PDE1C: variants seen among roughly 807,000 people sequenced by gnomAD.
PDE1C encodes dual specificity calcium/calmodulin-dependent 3',5'-cyclic nucleotide phosphodiesterase 1C.
A neutral mutation model predicts 93.1 loss-of-function variants in PDE1C; 62 were observed. The observed-to-expected ratio is 0.67, with a 90% confidence interval of 0.54 to 0.82. PDE1C has a LOEUF of 0.82. PDE1C is among the 40% of genes least tolerant of loss of function. The pLI is 0.00. For missense variants in PDE1C, 742 were observed against 884.6 expected (o/e 0.84, Z 2.04); for synonymous variants, 325 against 310.1 (o/e 1.05, Z -0.50).
At chr7:32,060,034 A>C (rs1183396502) in intron 1 of PDE1C, among the ~76,000 whole-genome samples, 3 of 152,224 alleles carry the variant, frequency 2.0e-5, no homozygotes, top group Non-Finnish European at 2.9e-5. Context: ...ACTATCTCTT[A>C]ATATCTGTGA....
At chr7:32,298,006 CT>C (rs1471697969) in intron 1 of PDE1C, among the ~76,000 whole-genome samples, 11 of 45,826 alleles carry the variant, frequency 2.4e-4, no homozygotes, top group South Asian at 2.4e-3. Context: ...TCCTCTCTCT[CT>C]CTCTCTCTCC....
At chr7:31,705,154 G>C in the PDE1C span, among the ~76,000 whole-genome samples, 3 of 152,284 alleles carry the variant, frequency 2.0e-5, no homozygotes, top group Admixed American at 2.0e-4. Context: ...AGAAGGGCTG[G>C]CTGTGATGAT....
At chr7:31,921,480 T>A (rs1369769974) in intron 2 of PDE1C, among the ~76,000 whole-genome samples, 1 of 152,176 alleles carries the variant, frequency 6.6e-6, no homozygotes, top group Non-Finnish European at 1.5e-5. Context: ...CCCTTAATGG[T>A]CAGTTCTATA....
intron 3 of PDE1C, among the ~76,000 whole-genome samples, chr7:32,156,594 C>A (rs1302160955): frequency 6.6e-6 from 1 of 152,014 alleles, no homozygotes; most frequent in African/African-American, 2.4e-5. Context: ...ACTGCCTGGA[C>A]TCCAGGTAGG....
chr7:32,317,956 G>A (rs764100423), intron 1 of PDE1C, among the ~76,000 whole-genome samples: 7 of 152,160 alleles, frequency 4.6e-5, no homozygotes, highest in Non-Finnish European at 7.3e-5. Flanking sequence ...GACATAGTCC[G>A]TGGAGGGTGT....
intron 1 of PDE1C, among the ~76,000 whole-genome samples, chr7:32,397,324 A>G (rs1429842556): frequency 2.0e-5 from 3 of 152,184 alleles, no homozygotes; most frequent in Admixed American, 2.0e-4. Flanking sequence ...AAACAAAAAT[A>G]TATTAAACTT....
At chr7:32,234,658 T>G (rs913694733) in intron 1 of PDE1C, among the ~76,000 whole-genome samples, 1 of 152,038 alleles carries the variant, frequency 6.6e-6, no homozygotes, top group Non-Finnish European at 1.5e-5. Flanking sequence ...CAAGTCCAGA[T>G]AGTTTCACTG....
At chr7:31,998,095 C>A (rs945925207) in intron 2 of PDE1C, among the ~76,000 whole-genome samples, 2 of 152,050 alleles carry the variant, frequency 1.3e-5, no homozygotes, top group East Asian at 3.9e-4. Context: ...TCTTGGCTCA[C>A]TGCAATCTCT....
intron 15 of PDE1C, among the ~76,000 whole-genome samples, chr7:31,813,531 C>T (rs1214908129): frequency 6.6e-6 from 1 of 152,130 alleles, no homozygotes; most frequent in African/African-American, 2.4e-5. Context: ...TGTTACCTAT[C>T]TCTCAGTTGG....
At chr7:32,134,987 C>T (rs1051791634) in intron 3 of PDE1C, among the ~76,000 whole-genome samples, 4 of 151,872 alleles carry the variant, frequency 2.6e-5, no homozygotes, top group Non-Finnish European at 4.4e-5. Context: ...TGAGATGAGA[C>T]CAAAAAGTGG....
intron 1 of PDE1C, among the ~76,000 whole-genome samples, chr7:32,408,429 C>T (rs1785101044): frequency 6.6e-6 from 1 of 152,202 alleles, no homozygotes; most frequent in Non-Finnish European, 1.5e-5. Flanking sequence ...GCACAGCCCA[C>T]TCCCTGGTAA....
intron 1 of PDE1C, among the ~76,000 whole-genome samples, chr7:32,296,595 C>T (rs1185156245): frequency 2.6e-5 from 4 of 152,186 alleles, no homozygotes; most frequent in African/African-American, 9.7e-5. Context: ...TTCTGACCAC[C>T]AGACCATACC....
chr7:31,807,267 A>G (rs915353588), intron 16 of PDE1C, among the ~76,000 whole-genome samples: 2 of 151,978 alleles, frequency 1.3e-5, no homozygotes, highest in Non-Finnish European at 2.9e-5. Flanking sequence ...GGAAACAGAG[A>G]CAGACATTAA....
intron 16 of PDE1C, among the ~76,000 whole-genome samples, chr7:31,780,086 G>C (rs1306206707): frequency 2.0e-5 from 3 of 152,090 alleles, no homozygotes. Context: ...AGAATCATCA[G>C]GGGAGTTCTT....
At chr7:31,633,928 T>G in the PDE1C span, among the ~76,000 whole-genome samples, 2 of 152,220 alleles carry the variant, frequency 1.3e-5, no homozygotes, top group African/African-American at 4.8e-5. Flanking sequence ...TTTTATAGCT[T>G]CTGTGAACTC....
At chr7:31,620,077 G>A in the PDE1C span, among the ~76,000 whole-genome samples, 2 of 152,194 alleles carry the variant, frequency 1.3e-5, no homozygotes, top group Non-Finnish European at 2.9e-5. Flanking sequence ...CATTACCCAG[G>A]CTTGATTAGG....
At chr7:32,012,996 C>T (rs1193592781) in intron 2 of PDE1C, among the ~76,000 whole-genome samples, 3 of 152,134 alleles carry the variant, frequency 2.0e-5, no homozygotes, top group Non-Finnish European at 4.4e-5. Context: ...TTAATCATAA[C>T]AACAATAAAG....
chr7:32,008,435 G>A (rs910726826), intron 2 of PDE1C, among the ~76,000 whole-genome samples: 5 of 152,116 alleles, frequency 3.3e-5, no homozygotes, highest in African/African-American at 7.2e-5. Flanking sequence ...AAAGGAACTC[G>A]AGGTCCAGTC....
chr7:32,030,833 C>T (rs1050280651), intron 2 of PDE1C, among the ~76,000 whole-genome samples: 2 of 152,008 alleles, frequency 1.3e-5, no homozygotes, highest in African/African-American at 4.8e-5. Context: ...TCCTCCACTC[C>T]ATTTTGGACT....
Sources: gnomAD v4.1 joint callset for allele counts (sites outside exome capture counted in the v4.1 genomes callset) on GRCh38, gnomAD v4.1.1 for gene constraint, MANE v1.5 for transcripts, NCBI Gene and HGNC (gene_info 2026-07-23, HGNC 2026-07-21) for gene names.